TRPA1: variants seen among roughly 807,000 people sequenced by gnomAD.
The protein encoded by TRPA1 is ankyrin-like with transmembrane domains 1.
TRPA1 carries 129 observed loss-of-function variants against 131.3 expected under a neutral mutation model. The ratio of observed to expected loss-of-function variants is 0.98; its 90% CI spans 0.85 to 1.14. The LOEUF (loss-of-function observed/expected upper bound fraction) is 1.14, where lower values mean the gene tolerates loss of function less well. Ranked by LOEUF, TRPA1 falls within the 50% of genes most tolerant of loss-of-function variation. The probability of loss-of-function intolerance (pLI) is 0.00; values close to 1 mark genes in which losing one functional copy is unlikely to be tolerated. For missense variants in TRPA1, 1,304 were observed against 1,354.2 expected, an observed-to-expected ratio of 0.96 and a Z score of 0.58; for synonymous variants, 441 against 451.7, an observed-to-expected ratio of 0.98 and a Z score of 0.30.
At chr8:72,036,245 A>G in intron 21 of TRPA1, 43 bp downstream of exon 21, 1 of 1,598,228 alleles carries the variant, frequency 6.3e-7, no homozygotes, top group Non-Finnish European at 8.6e-7. Flanking sequence ...TTTTGATATT[A>G]AAAATGCTTA....
intron 18 of TRPA1, 146 bp from the exon 19 acceptor site, chr8:72,039,173 C>T (rs1812161012): frequency 2.5e-6 from 2 of 800,382 alleles, no homozygotes; most frequent in East Asian, 2.5e-5. Flanking sequence ...TCTTCTAATT[C>T]ACCTTTTTCA....
intron 22 of TRPA1, 134 bp from the exon 23 acceptor site, chr8:72,033,960 G>T: frequency 1.2e-6 from 1 of 868,780 alleles, no homozygotes; most frequent in Non-Finnish European, 1.9e-6. Context: ...TTGAAATGCA[G>T]TGATAAAATA....
At chr8:72,038,819 CA>C (rs1448283188) in intron 19 of TRPA1, 45 bp downstream of exon 19, 1 of 1,529,076 alleles carries the variant, frequency 6.5e-7, no homozygotes, top group Non-Finnish European at 8.9e-7. Flanking sequence ...AGAAAAAATA[CA>C]TTTTTTATAA....
At chr8:72,063,752 T>C (rs1805865518) in intron 4 of TRPA1, among the ~76,000 whole-genome samples, 181 bp from the exon 5 acceptor site, 1 of 152,182 alleles carries the variant, frequency 6.6e-6, no homozygotes, top group African/African-American at 2.4e-5. Flanking sequence ...ACTAAGATTC[T>C]GAAATAGAGA....
chr8:72,060,559 C>T (rs1055157214), intron 7 of TRPA1: 3 of 152,122 alleles, frequency 2.0e-5, no homozygotes, highest in Non-Finnish European at 4.4e-5. Context: ...TTTTCACAAT[C>T]TTACGTTATC....
chr8:72,022,760 G>A lies in TRPA1; in HGVS notation c.*146C>T. The A allele has an allele frequency of 1.3e-6, 1 of 758,234 alleles. No individual in the cohort carries two copies. The highest frequency in any genetic ancestry group is 2.3e-6 in the Non-Finnish European group (1 of 444,100). The allele number at this position is 758,234 out of a possible 1,614,324, so 47.0% of individuals were successfully genotyped here. ...AAATATGAATAGAGGATAAAAGATG[G>A]TTTACTTTTATACAGCATGCAGGAA... On this transcript the variant is annotated 3_prime_UTR_variant, in exon 27 of 27. Coordinates refer to ENST00000262209, the MANE Select transcript of TRPA1 (RefSeq NM_007332.3).
At chr8:72,061,817 C>T (rs1301044375) in intron 6 of TRPA1, 56 bp from the exon 7 acceptor site, 7 of 1,560,358 alleles carry the variant, frequency 4.5e-6, no homozygotes, top group Non-Finnish European at 6.2e-6. Flanking sequence ...AAGAATATAA[C>T]TTATATTCAG....
chr8:72,026,785 T>C (rs191585390), intron 24 of TRPA1, among the ~76,000 whole-genome samples: 1 of 152,210 alleles, frequency 6.6e-6, no homozygotes, highest in Non-Finnish European at 1.5e-5. Flanking sequence ...TATAGGTATG[T>C]TTACTGTAAC....
At chr8:72,046,737 T>A in intron 16 of TRPA1, 129 bp from the exon 17 acceptor site, 1 of 586,392 alleles carries the variant, frequency 1.7e-6, no homozygotes, top group Non-Finnish European at 3.0e-6. Flanking sequence ...TTGAACAAAG[T>A]TGAGTTATTT....
At chr8:72,066,277 T>C (rs558519488) in intron 3 of TRPA1, among the ~76,000 whole-genome samples, 27 of 152,346 alleles carry the variant, frequency 1.8e-4, no homozygotes, top group African/African-American at 6.5e-4. Context: ...CAAGCATCTA[T>C]AGGTCTTTGA....
chr8:72,087,857 A>G, the TRPA1 span, among the ~76,000 whole-genome samples: 1 of 151,926 alleles, frequency 6.6e-6, no homozygotes, highest in Non-Finnish European at 1.5e-5. Flanking sequence ...CTGTCCACTT[A>G]CCTCCTCTAG....
At chr8:72,059,325 T>A (rs1205653226) in intron 8 of TRPA1, 65 bp downstream of exon 8, 1 of 1,094,506 alleles carries the variant, frequency 9.1e-7, no homozygotes, top group Non-Finnish European at 1.3e-6. Context: ...ATCCATATTA[T>A]GTAATTATAC....
chr8:72,072,339 A>C (rs758335381), intron 1 of TRPA1, among the ~76,000 whole-genome samples: 1 of 152,228 alleles, frequency 6.6e-6, no homozygotes, highest in African/African-American at 2.4e-5. Flanking sequence ...TATCCTTAAT[A>C]TAACTAAGAA....
intron 23 of TRPA1, 75 bp from the exon 24 acceptor site, chr8:72,030,044 C>T (rs1811751776): frequency 7.7e-7 from 1 of 1,300,462 alleles, no homozygotes; most frequent in Admixed American, 1.7e-5. Flanking sequence ...CTGTCTTAGT[C>T]CATTCAGACT....
intron 13 of TRPA1, chr8:72,052,994 T>TGTGTGTGTGTGTGTGTGATAGAGAGA (rs1491537785): frequency 3.0e-6 from 1 of 330,302 alleles, no homozygotes. Context: ...TGTGTGTGTG[T>TGTGTGTGTGTGTGTGTGATAGAGAGA]GAGAGATAGA....
chr8:72,057,829 C>T lies in TRPA1; in HGVS notation c.994-13G>A. 6.3e-7 allele frequency: 1 copy of T among 1,580,218 alleles called. No homozygotes were observed. The highest frequency in any genetic ancestry group is 1.1e-5 in the South Asian group (1 of 90,352). On this transcript the variant is annotated splice_polypyrimidine_tract_variant and intron_variant, in intron 8 of 26. Transcript: ENST00000262209. The stretch of plus-strand genomic sequence containing the variant: ...TAATATCTGCTCCCTAAAAATCAAA[C>T]AAACCATTCAACAAAGAGCTTAGAA...
intron 21 of TRPA1, 112 bp from the exon 22 acceptor site, chr8:72,034,489 A>G (rs1811957792): frequency 6.5e-6 from 4 of 612,314 alleles, no homozygotes; most frequent in Non-Finnish European, 1.1e-5. Context: ...AGATGAGATC[A>G]CTGAGGCCAG....
rs1400834320 is a variant in TRPA1 at position 72,069,167 on chromosome 8, G to C, written c.300C>G (p.Thr100=). Residue 100 remains threonine (T), a synonymous_variant, in exon 3 of 27, where the codon ACC becomes ACG. Coordinates refer to ENST00000262209, the MANE Select transcript of TRPA1 (RefSeq NM_007332.3). The part of the protein sequence containing the change: ...VLHEMDDYGN[T]PLHCAVEKNQ... ...TTTTTTCTACAGCACAATGCAGAGGGGTATTTCCATAATCATCCATTTCAT... is the reference window on the plus strand; with the variant it reads ...TTTTTTCTACAGCACAATGCAGAGGCGTATTTCCATAATCATCCATTTCAT... 1.8e-5 allele frequency: 29 copies of C among 1,613,986 alleles called. No individual in the cohort carries two copies. Among genetic ancestry groups the C allele is most frequent in the Middle Eastern group, 3.3e-4 (2 of 6,080 alleles).
chr8:72,039,056 A>T (rs1354356208), intron 18 of TRPA1, 29 bp from the exon 19 acceptor site: 1 of 1,609,634 alleles, frequency 6.2e-7, no homozygotes, highest in African/African-American at 1.3e-5. Flanking sequence ...ACCAGAATTG[A>T]GTCATTTCAA....
Sources: gnomAD v4.1 joint callset for allele counts (sites outside exome capture counted in the v4.1 genomes callset) on GRCh38, gnomAD v4.1.1 for gene constraint, MANE v1.5 for transcripts, NCBI Gene and HGNC (gene_info 2026-07-23, HGNC 2026-07-21) for gene names.